FRMPD2: variants seen among roughly 807,000 people sequenced by gnomAD.
The protein encoded by FRMPD2 is FERM and PDZ domain containing 2.
Under a neutral mutation model 140.1 loss-of-function variants are expected in FRMPD2, and 96 were observed. The ratio of observed to expected loss-of-function variants is 0.69; its 90% CI spans 0.58 to 0.81. The LOEUF is 0.81. Ranked by LOEUF, FRMPD2 falls within the 40% of genes least tolerant of loss-of-function variation. FRMPD2 has a pLI of 0.00. For missense variants in FRMPD2, 1,240 were observed against 1,447.4 expected, an observed-to-expected ratio of 0.86 and a Z score of 2.32; for synonymous variants, 449 against 547.6, an observed-to-expected ratio of 0.82 and a Z score of 2.52.
intron 7 of FRMPD2, 97 bp downstream of exon 7, chr10:48,239,508 G>T (rs377130821): frequency 1.2e-6 from 1 of 800,358 alleles, no homozygotes; most frequent in Non-Finnish European, 2.0e-6. Context: ...GGAGCAAGAG[G>T]CTTCTTACTA....
At chr10:48,184,947 G>A in intron 18 of FRMPD2, 66 bp from the exon 19 acceptor site, 2 of 1,243,340 alleles carry the variant, frequency 1.6e-6, no homozygotes, top group South Asian at 1.3e-5. Context: ...AGAGAGGTTA[G>A]GTTATTTCCC....
At chr10:48,231,630 T>A (rs1017079999) in intron 10 of FRMPD2, among the ~76,000 whole-genome samples, 1 of 152,194 alleles carries the variant, frequency 6.6e-6, no homozygotes, top group Non-Finnish European at 1.5e-5. Flanking sequence ...AATACACTCA[T>A]TTTTTGGAGA....
At position 48,184,828 on chromosome 10, in the gene FRMPD2, T is replaced by TA; in HGVS notation, c.2412dup (p.Ile805TyrfsTer40). Reference sequence around the variant, plus strand: ...GGTCCTCCAGGTATAATAGAAGATATAAAAATGCCAGGGTCAGCTTGGCCT... The same window carrying TA: ...GGTCCTCCAGGTATAATAGAAGATATAAAAAATGCCAGGGTCAGCTTGGCCT... On this transcript the variant is annotated frameshift_variant, in exon 19 of 29. Transcript: ENST00000374201. LOFTEE classifies it high-confidence loss of function. 1 of 1,613,970 alleles carries TA rather than the reference T, an allele frequency of 6.2e-7. No homozygotes were observed. The highest frequency in any genetic ancestry group is 2.2e-5 in the East Asian group (1 of 44,840).
chr10:48,192,935 G>A (rs1356592205), intron 15 of FRMPD2, 41 bp from the exon 16 acceptor site: 1 of 1,419,440 alleles, frequency 7.0e-7, no homozygotes, highest in Non-Finnish European at 9.9e-7. Flanking sequence ...ACACACACAA[G>A]AATGATGCTG....
rs189213680 is a variant in FRMPD2, at chr10:48,202,517, T to C, written c.1798-1133A>G. Among the ~76,000 whole-genome samples the C allele has an allele frequency of 7.7e-3, 1,169 of 152,364 alleles. 9 individuals are homozygous for C. Among genetic ancestry groups the C allele is most frequent in the Non-Finnish European group, 0.012 (844 of 68,028 alleles). ...TCTTTACTTTTACTGACAAGTATAG[T>C]GCTAAGCCTCCTTGTGCTAATAGGA... On this transcript the variant is annotated intron_variant, in intron 14 of 28. Coordinates refer to ENST00000374201, the MANE Select transcript of FRMPD2 (RefSeq NM_001018071.4).
chr10:48,242,813 G>C (rs2131950585), intron 4 of FRMPD2, among the ~76,000 whole-genome samples: 2 of 152,300 alleles, frequency 1.3e-5, no homozygotes, highest in South Asian at 2.1e-4. Flanking sequence ...GCCTATTCCT[G>C]TTCACTTCGG....
intron 10 of FRMPD2, among the ~76,000 whole-genome samples, chr10:48,230,792 C>T (rs1214912848): frequency 6.6e-6 from 1 of 152,196 alleles, no homozygotes; most frequent in African/African-American, 2.4e-5. Context: ...GAACAAAGAA[C>T]AAGAACTTCT....
At position 48,187,260 on chromosome 10, in the gene FRMPD2, G is replaced by T; in HGVS notation, c.2198C>A (p.Ala733Asp). Residue 733 changes from alanine (A) to aspartate (D), a missense_variant, in exon 17 of 29, where the codon GCC becomes GAC. Around this residue, in one of 6 missense-constraint regions of FRMPD2, gnomAD observed 1,161 missense variants for 1,055.9 expected, o/e 1.10. Coordinates refer to ENST00000374201, the MANE Select transcript of FRMPD2 (RefSeq NM_001018071.4). ...PCTGREQLKS[A>D]CVIQKPMTWD... ...GGTCATTGGCTTCTGGATCACACAG[G>T]CACTCTTCAGCTGCTCCCGGCCAGT... 1.2e-6 allele frequency: 2 copies of T among 1,614,032 alleles called. No homozygotes were observed. The highest frequency in any genetic ancestry group is 1.7e-6 in the Non-Finnish European group (2 of 1,179,976).
At chr10:48,200,197 T>TAAAAAAAAAAAAAAAA (rs201140091) in intron 15 of FRMPD2, among the ~76,000 whole-genome samples, 1 of 139,628 alleles carries the variant, frequency 7.2e-6, no homozygotes, top group Non-Finnish European at 1.6e-5. Context: ...AATAAATAAA[T>TAAAAAAAAAAAAAAAA]AAAACAGAGC....
At chr10:48,212,388 T>A (rs1174400606) in intron 12 of FRMPD2, among the ~76,000 whole-genome samples, 1 of 152,272 alleles carries the variant, frequency 6.6e-6, no homozygotes, top group Non-Finnish European at 1.5e-5. Flanking sequence ...CTCACAGGAA[T>A]ACTCTGAAGA....
chr10:48,174,748 C>T (rs1838361050), intron 24 of FRMPD2, 122 bp downstream of exon 24: 15 of 862,310 alleles, frequency 1.7e-5, no homozygotes, highest in South Asian at 6.0e-5. Flanking sequence ...AAAAAAAAAA[C>T]TAACAAAGAA....
intron 11 of FRMPD2, among the ~76,000 whole-genome samples, 170 bp downstream of exon 11, chr10:48,222,953 C>T (rs1839640395): frequency 6.6e-6 from 1 of 152,192 alleles, no homozygotes; most frequent in Admixed American, 6.5e-5. Context: ...GATTTTCCTC[C>T]TTTGTTCTAT....
intron 1 of FRMPD2, among the ~76,000 whole-genome samples, chr10:48,253,249 T>C (rs1053411505): frequency 2.0e-5 from 3 of 152,224 alleles, no homozygotes; most frequent in African/African-American, 7.2e-5. Flanking sequence ...GGATCCATCA[T>C]GGAAAAAAGC....
intron 4 of FRMPD2, among the ~76,000 whole-genome samples, chr10:48,244,157 T>G (rs34318549): frequency 0.052 from 7,939 of 152,140 alleles, 592 homozygotes; most frequent in African/African-American, 0.16. Flanking sequence ...GCTAATTTTT[T>G]TATTTGTAGT....
At chr10:48,198,874 C>T (rs369266231) in intron 15 of FRMPD2, among the ~76,000 whole-genome samples, 1 of 152,306 alleles carries the variant, frequency 6.6e-6, no homozygotes, top group East Asian at 1.9e-4. Context: ...TGATTTCACT[C>T]TCAGCCTGAG....
chr10:48,262,402 G>A (rs1484872341), intron 1 of FRMPD2, among the ~76,000 whole-genome samples: 1 of 152,012 alleles, frequency 6.6e-6, no homozygotes, highest in Admixed American at 6.6e-5. Context: ...AATACAAAGG[G>A]GTATTACATA....
At chr10:48,212,511 C>T (rs1167845373) in intron 12 of FRMPD2, among the ~76,000 whole-genome samples, 1 of 152,176 alleles carries the variant, frequency 6.6e-6, no homozygotes, top group Non-Finnish European at 1.5e-5. Flanking sequence ...CAAACCCTCA[C>T]ACTTTCCACG....
intron 5 of FRMPD2, among the ~76,000 whole-genome samples, chr10:48,240,699 C>T (rs1049812232): frequency 1.3e-5 from 2 of 152,200 alleles, no homozygotes; most frequent in African/African-American, 4.8e-5. Flanking sequence ...CACTCCAGAC[C>T]TGCACACTCA....
chr10:48,250,671 G>A (rs996940635), intron 2 of FRMPD2, among the ~76,000 whole-genome samples: 1 of 152,050 alleles, frequency 6.6e-6, no homozygotes, highest in African/African-American at 2.4e-5. Flanking sequence ...GTCTCCCAAA[G>A]TGCTGGGATT....
Sources: gnomAD v4.1 joint callset for allele counts (sites outside exome capture counted in the v4.1 genomes callset) on GRCh38, gnomAD v4.1.1 for gene constraint, gnomAD v4.1.1 regional missense constraint, MANE v1.5 for transcripts, NCBI Gene and HGNC (gene_info 2026-07-23, HGNC 2026-07-21) for gene names.